The following FAM13A variants were observed in gnomAD, a reference collection of about 807,000 sequenced individuals.
FAM13A encodes the protein protein FAM13A.
In FAM13A, 76 loss-of-function variants were observed where a neutral mutation model predicts 129.6. The observed-to-expected ratio is 0.59, with a 90% CI of 0.49 to 0.71. The LOEUF (loss-of-function observed/expected upper bound fraction) is 0.71. Ranked by LOEUF, FAM13A falls within the 30% of genes least tolerant of loss-of-function variation. The probability of loss-of-function intolerance (pLI) is 0.00; values close to 1 mark genes in which losing one functional copy is unlikely to be tolerated. For synonymous variants in FAM13A, 443 were observed against 449.9 expected (o/e 0.98, Z 0.20); for missense variants, 1,108 against 1,249.3 (o/e 0.89, Z 1.70).
In FAM13A at chr4:88,727,960, A is replaced by AG. The variant is rs1170692596; in HGVS notation, c.*572dup. ...CAGCTTCCATCTACCTGAGGGCTGA[A>AG]GGGGAAAACCTTTCACACACGTGAG... On this transcript the variant is annotated 3_prime_UTR_variant, in exon 24 of 24. Coordinates refer to ENST00000264344, the MANE Select transcript of FAM13A (RefSeq NM_014883.4). 1 of 152,812 alleles carries AG rather than the reference A, an allele frequency of 6.5e-6. No individual in the cohort carries two copies. Among genetic ancestry groups the AG allele is most frequent in the African/African-American group, 2.4e-5 (1 of 41,456 alleles). 9.5% of individuals were successfully genotyped at this position (152,812 alleles called of 1,614,324 possible).
chr4:88,996,265 G>A (rs1309854753), intron 3 of FAM13A, among the ~76,000 whole-genome samples: 2 of 152,146 alleles, frequency 1.3e-5, no homozygotes, highest in Admixed American at 1.3e-4. Context: ...TGAGCTGTGG[G>A]GAGACATGAT....
chr4:88,967,547 T>C (rs1273701198), intron 4 of FAM13A, among the ~76,000 whole-genome samples: 1 of 152,206 alleles, frequency 6.6e-6, no homozygotes, highest in East Asian at 1.9e-4. Flanking sequence ...TTCAGGGTCT[T>C]CATATTTATC....
At chr4:88,806,695 GTGATGGGCTGTAATGT>G (rs1196003900) in intron 7 of FAM13A, among the ~76,000 whole-genome samples, 1 of 152,168 alleles carries the variant, frequency 6.6e-6, no homozygotes, top group Non-Finnish European at 1.5e-5. Context: ...TGAGGGGTAA[GTGATGGGCTGTAATGT>G]GGATGGGCTG....
intron 6 of FAM13A, among the ~76,000 whole-genome samples, chr4:88,896,296 C>G (rs2446297): frequency 0.8 from 113,288 of 142,348 alleles, 45,454 homozygotes; most frequent in Non-Finnish European, 0.82. Flanking sequence ...GGGAGGGATA[C>G]CATTGGGAGA....
intron 6 of FAM13A, among the ~76,000 whole-genome samples, chr4:88,853,686 G>T (rs190951850): frequency 6.6e-6 from 1 of 152,284 alleles, no homozygotes; most frequent in East Asian, 1.9e-4. Flanking sequence ...TTGATTGAAG[G>T]ATGCAAAGTA....
At chr4:88,862,702 T>C (rs2150038908) in intron 6 of FAM13A, among the ~76,000 whole-genome samples, 1 of 151,822 alleles carries the variant, frequency 6.6e-6, no homozygotes, top group African/African-American at 2.4e-5. Context: ...TTATTAGTTG[T>C]CTTCTCAGTG....
At chr4:89,008,668 A>G (rs1180559661) in intron 3 of FAM13A, among the ~76,000 whole-genome samples, 1 of 152,164 alleles carries the variant, frequency 6.6e-6, no homozygotes, top group Non-Finnish European at 1.5e-5. Context: ...ACTTGCCCTC[A>G]CTGAGCTGAG....
chr4:89,014,552 T>C (rs868763708), intron 3 of FAM13A, among the ~76,000 whole-genome samples: 2 of 152,322 alleles, frequency 1.3e-5, no homozygotes, highest in Non-Finnish European at 2.9e-5. Context: ...GCTGAAGCCA[T>C]GGCAGAAGAA....
intron 5 of FAM13A, among the ~76,000 whole-genome samples, chr4:88,913,514 AGAG>A (rs766182331): frequency 5.8e-4 from 85 of 146,714 alleles, no homozygotes; most frequent in Non-Finnish European, 9.6e-4. Flanking sequence ...AAGAGGAAGA[AGAG>A]GAGGAGGAGG....
At chr4:88,819,362 T>C (rs1731436205) in intron 7 of FAM13A, among the ~76,000 whole-genome samples, 1 of 152,216 alleles carries the variant, frequency 6.6e-6, no homozygotes, top group Admixed American at 6.5e-5. Context: ...TCCTTGTGGA[T>C]ATAAATTCAG....
intron 6 of FAM13A, among the ~76,000 whole-genome samples, chr4:88,863,942 T>C (rs536710858): frequency 3.2e-4 from 49 of 152,318 alleles, no homozygotes; most frequent in Non-Finnish European, 6.2e-4. Flanking sequence ...ACTTTCATGA[T>C]GTTCTCAGAA....
chr4:88,753,634 TTC>T (rs1743077197), intron 14 of FAM13A: 3 of 945,196 alleles, frequency 3.2e-6, no homozygotes, highest in Non-Finnish European at 3.8e-6. Context: ...TCTCTCCTTT[TTC>T]TCTCTTTTCT....
chr4:88,826,243 G>C (rs71609539), intron 7 of FAM13A, among the ~76,000 whole-genome samples: 40,527 of 149,312 alleles, frequency 0.27, 6,119 homozygotes, highest in East Asian at 0.62. Flanking sequence ...TTAGCTCTCT[G>C]TTCAACTCCA....
chr4:88,920,110 T>A (rs1417767295), intron 5 of FAM13A, among the ~76,000 whole-genome samples: 2 of 152,198 alleles, frequency 1.3e-5, no homozygotes. Flanking sequence ...AGGCTCCACC[T>A]CTGGGGGCAG....
chr4:88,852,984 T>C (rs1737872497), intron 6 of FAM13A, among the ~76,000 whole-genome samples: 1 of 152,206 alleles, frequency 6.6e-6, no homozygotes, highest in South Asian at 2.1e-4. Context: ...TGAACATAAT[T>C]TGGCAAAAAG....
At chr4:88,856,824 A>C (rs1199664015) in intron 6 of FAM13A, among the ~76,000 whole-genome samples, 2 of 152,196 alleles carry the variant, frequency 1.3e-5, no homozygotes, top group Non-Finnish European at 1.5e-5. Flanking sequence ...TTAAACTCAT[A>C]ATCTTCATAA....
chr4:88,993,458 C>T (rs1454081748), intron 3 of FAM13A, among the ~76,000 whole-genome samples: 2 of 152,150 alleles, frequency 1.3e-5, no homozygotes, highest in South Asian at 2.1e-4. Context: ...AGCCTCTGGC[C>T]TTCTGGCTCT....
chr4:88,927,101 T>C (rs1752312764), intron 5 of FAM13A, among the ~76,000 whole-genome samples: 2 of 152,184 alleles, frequency 1.3e-5, no homozygotes, highest in Admixed American at 6.5e-5. Flanking sequence ...GGGATGTTTT[T>C]CCATTTGCTT....
At chr4:89,055,990 C>A (rs953796587) in intron 1 of FAM13A, among the ~76,000 whole-genome samples, 6 of 152,150 alleles carry the variant, frequency 3.9e-5, no homozygotes, top group Non-Finnish European at 7.3e-5. Flanking sequence ...GAAGCTACAG[C>A]AAATTGCAGC....
Sources: allele counts gnomAD v4.1 joint callset (sites outside exome capture counted in the v4.1 genomes callset), GRCh38; gene constraint gnomAD v4.1.1; transcripts MANE v1.5; gene names NCBI Gene and HGNC (gene_info 2026-07-23, HGNC 2026-07-21).